FTO: variants seen among roughly 807,000 people sequenced by gnomAD.
FTO encodes the protein FTO alpha-ketoglutarate dependent dioxygenase.
FTO carries 47 observed loss-of-function variants against 63.9 expected under a neutral mutation model. The observed-to-expected ratio is 0.74, with a 90% CI of 0.58 to 0.94. The LOEUF (loss-of-function observed/expected upper bound fraction) is 0.94. Among genes scored for constraint, FTO ranks in the 40% least tolerant of loss-of-function variants. FTO has a pLI of 0.00. For synonymous variants in FTO, 207 were observed against 224.4 expected (o/e 0.92, Z 0.69); for missense variants, 562 against 618.1 (o/e 0.91, Z 0.96).
chr16:53,732,262 A>G (rs1356910778), intron 1 of FTO, among the ~76,000 whole-genome samples: 5 of 151,468 alleles, frequency 3.3e-5, no homozygotes, highest in Non-Finnish European at 7.4e-5. Flanking sequence ...CATGTTAGCC[A>G]GCATGGTCTC....
chr16:53,824,293 C>CT (rs1254141470), intron 2 of FTO, among the ~76,000 whole-genome samples: 5 of 152,150 alleles, frequency 3.3e-5, no homozygotes, highest in Non-Finnish European at 7.3e-5. Flanking sequence ...TAAAACAAGC[C>CT]TTTTTTTGTC....
At chr16:54,088,013 A>T (rs933101579) in intron 8 of FTO, among the ~76,000 whole-genome samples, 1 of 152,222 alleles carries the variant, frequency 6.6e-6, no homozygotes, top group Non-Finnish European at 1.5e-5. Context: ...CATTTTTAGC[A>T]TCTTTATCAA....
chr16:53,916,808 T>G (rs1253405980), intron 7 of FTO, among the ~76,000 whole-genome samples: 1 of 152,214 alleles, frequency 6.6e-6, no homozygotes, highest in East Asian at 1.9e-4. Context: ...AAATCATTAT[T>G]TTCACCCTTG....
chr16:54,113,532 C>T lies in FTO; in HGVS notation c.*1617C>T, dbSNP rs994987280. ...GAGTCTCTCAGACCTTGGATTCATTCCCTGGTGTCTTTGAGCCTCAGTTTC... is the reference window on the plus strand; with the variant it reads ...GAGTCTCTCAGACCTTGGATTCATTTCCTGGTGTCTTTGAGCCTCAGTTTC... On this transcript the variant is annotated 3_prime_UTR_variant, in exon 9 of 9. Transcript: ENST00000471389. 1 of 152,212 alleles carries T rather than the reference C, an allele frequency of 6.6e-6. No individual in the cohort carries two copies. 9.4% of individuals were successfully genotyped at this position (152,212 alleles called of 1,614,324 possible). A position where few individuals can be genotyped will look rare whatever the true frequency, so the allele number is the denominator to read the frequency against.
rs150172847 is a variant in FTO, at chr16:53,825,107, T to A, written c.124-757T>A. ...GCACAAATCCATTTATTCATTCCTT[T>A]ACCATTTACTGAGTAAATTCTGGGC... On this transcript the variant is annotated intron_variant, in intron 2 of 8. Transcript: ENST00000471389. Among the ~76,000 whole-genome samples, 372 of 152,352 alleles carry A rather than the reference T, an allele frequency of 2.4e-3. 2 individuals carry two copies. Among genetic ancestry groups the A allele is most frequent in the Non-Finnish European group, 3.6e-3 (243 of 68,026 alleles).
chr16:53,887,939 A>G (rs1476542865), intron 6 of FTO: 1 of 152,104 alleles, frequency 6.6e-6, no homozygotes, highest in African/African-American at 2.4e-5. Context: ...AATTTATTGT[A>G]ATTTAAGAAA....
chr16:54,072,451 C>A (rs1222047758), intron 8 of FTO: 1 of 152,126 alleles, frequency 6.6e-6, no homozygotes, highest in Non-Finnish European at 1.5e-5. Flanking sequence ...CACTGAACAC[C>A]ACAGAGAAAG....
chr16:54,074,894 G>C (rs2085949471), intron 8 of FTO, among the ~76,000 whole-genome samples: 1 of 93,880 alleles, frequency 1.1e-5, no homozygotes, highest in East Asian at 6.2e-4. Flanking sequence ...ACTGGAAAGA[G>C]GGAGAGAGAG....
intron 8 of FTO, among the ~76,000 whole-genome samples, chr16:53,946,972 C>T (rs1325023415): frequency 6.6e-6 from 1 of 152,224 alleles, no homozygotes; most frequent in Non-Finnish European, 1.5e-5. Flanking sequence ...TTAATTATAA[C>T]CTACAAGACT....
intron 1 of FTO, among the ~76,000 whole-genome samples, chr16:53,743,261 C>T (rs2076569893): frequency 6.6e-6 from 1 of 152,140 alleles, no homozygotes; most frequent in Non-Finnish European, 1.5e-5. Flanking sequence ...TGAAAGCTTG[C>T]TTGGCCACTA....
rs938308803 is a variant in FTO at position 53,840,024 on chromosome 16, C to T, written c.752-4131C>T. On this transcript the variant is annotated intron_variant, in intron 3 of 8. Coordinates refer to ENST00000471389, the MANE Select transcript of FTO (RefSeq NM_001080432.3). ...TTCACCATGTTGGCCAGGATGGTCT[C>T]AATCTCCTGACCTCGTGATCCACCC... Among the ~76,000 whole-genome samples, 3 of 151,980 alleles carry T rather than the reference C, an allele frequency of 2.0e-5. No individual in the cohort carries two copies. The South Asian group carries it at 6.2e-4, about 32-fold the overall frequency.
intron 8 of FTO, among the ~76,000 whole-genome samples, chr16:54,033,638 G>A (rs1168698207): frequency 2.0e-5 from 3 of 151,988 alleles, no homozygotes; most frequent in Non-Finnish European, 4.4e-5. Flanking sequence ...GCAATATAAC[G>A]AGACCCTGCC....
chr16:54,052,450 CCT>C (rs1477625281), intron 8 of FTO: 1 of 152,174 alleles, frequency 6.6e-6, no homozygotes, highest in African/African-American at 2.4e-5. Context: ...GCTGTCACAT[CCT>C]CTGATCTCGC....
chr16:54,078,072 A>G (rs1487902969), intron 8 of FTO, among the ~76,000 whole-genome samples: 1 of 152,122 alleles, frequency 6.6e-6, no homozygotes, highest in Non-Finnish European at 1.5e-5. Flanking sequence ...ACTAAGAGTC[A>G]GTCTGCTTTT....
At chr16:54,072,418 C>T (rs2085892529) in intron 8 of FTO, 1 of 152,194 alleles carries the variant, frequency 6.6e-6, no homozygotes, top group African/African-American at 2.4e-5. Context: ...GTCTCGCGTT[C>T]TAATGAGGCA....
chr16:53,970,387 C>T (rs1451122813), intron 8 of FTO, among the ~76,000 whole-genome samples: 1 of 151,806 alleles, frequency 6.6e-6, no homozygotes, highest in African/African-American at 2.4e-5. Context: ...GTCAGGAGTT[C>T]GAGACCAGCT....
chr16:54,030,020 C>T (rs2084793533), intron 8 of FTO, among the ~76,000 whole-genome samples: 1 of 152,128 alleles, frequency 6.6e-6, no homozygotes, highest in African/African-American at 2.4e-5. Context: ...TTTCAGGTAA[C>T]CAGTTAAGCC....
chr16:54,004,503 A>G (rs554990940), intron 8 of FTO, among the ~76,000 whole-genome samples: 1 of 152,300 alleles, frequency 6.6e-6, no homozygotes, highest in South Asian at 2.1e-4. Context: ...ATATCTTTCA[A>G]ATCGCATTTG....
At chr16:53,730,992 A>G (rs2076258269) in intron 1 of FTO, among the ~76,000 whole-genome samples, 1 of 152,234 alleles carries the variant, frequency 6.6e-6, no homozygotes, top group Non-Finnish European at 1.5e-5. Context: ...GAAACAGAAC[A>G]ACGGAGTTAA....
Sources: gnomAD v4.1 joint callset for allele counts (sites outside exome capture counted in the v4.1 genomes callset) on GRCh38, gnomAD v4.1.1 for gene constraint, MANE v1.5 for transcripts, NCBI Gene and HGNC (gene_info 2026-07-23, HGNC 2026-07-21) for gene names.